ARL15: variants seen among roughly 807,000 people sequenced by gnomAD.
The protein encoded by ARL15 is ARF like GTPase 15.
A neutral mutation model predicts 25.2 loss-of-function variants in ARL15; 19 were observed. That is an observed-to-expected ratio of 0.75 (90% CI 0.53 to 1.10). The LOEUF is 1.10. Among genes scored for constraint, ARL15 ranks in the 50% least tolerant of loss-of-function variants. ARL15 has a pLI of 0.00. For missense variants in ARL15, 220 were observed against 246.0 expected, an observed-to-expected ratio of 0.89 and a Z score of 0.71; for synonymous variants, 94 against 86.8, an observed-to-expected ratio of 1.08 and a Z score of -0.46.
chr5:54,166,182 TTC>T (rs751364891), intron 2 of ARL15, among the ~76,000 whole-genome samples: 1 of 151,840 alleles, frequency 6.6e-6, no homozygotes, highest in Non-Finnish European at 1.5e-5. Context: ...TCACGTTTCT[TTC>T]TCTCTCTCTC....
Position 53,884,820 on chromosome 5 carries a change from C to A in ARL15, c.*1741G>T, listed in dbSNP as rs943622410. 6.6e-6 allele frequency: 1 copy of A among 152,386 alleles called. No individual in the cohort carries two copies. The highest frequency in any genetic ancestry group is 1.5e-5 in the Non-Finnish European group (1 of 67,990). The allele number at this position is 152,386 out of a possible 1,614,324, so 9.4% of individuals were successfully genotyped here. A position where few individuals can be genotyped will look rare whatever the true frequency, so the allele number is the denominator to read the frequency against. ...ATTTATTTTTCATAGAAGATGAGCA[C>A]AACAGGACAAAATAAAAACAGGAAT... On this transcript the variant is annotated 3_prime_UTR_variant, in exon 5 of 5. Coordinates refer to ENST00000504924, the MANE Select transcript of ARL15 (RefSeq NM_019087.3).
intron 3 of ARL15, among the ~76,000 whole-genome samples, chr5:54,147,550 T>C (rs1753947578): frequency 6.6e-6 from 1 of 152,170 alleles, no homozygotes; most frequent in South Asian, 2.1e-4. Context: ...AATATGTACA[T>C]TTACTTGTGT....
intron 4 of ARL15, among the ~76,000 whole-genome samples, chr5:54,021,894 C>T (rs1749614381): frequency 6.6e-6 from 1 of 152,062 alleles, no homozygotes; most frequent in African/African-American, 2.4e-5. Flanking sequence ...AGCAGCAGGG[C>T]AGAAAGGGAC....
At position 54,141,176 on chromosome 5, in the gene ARL15, CACAG is replaced by C. The variant is rs930620632; in HGVS notation, c.253+13400_253+13403del. 2.2e-4 allele frequency among the ~76,000 whole-genome samples: 33 copies of C among 152,156 alleles called. 1 individual carries two copies. Among genetic ancestry groups the C allele is most frequent in the African/African-American group, 7.0e-4 (29 of 41,528 alleles). ...TTTTTATTAACTGAGTGCTGCTGTACACAGACAGATCAATCTGTCTTCTCTTATT... is the reference window on the plus strand; with the variant it reads ...TTTTTATTAACTGAGTGCTGCTGTACACAGATCAATCTGTCTTCTCTTATT... On this transcript the variant is annotated intron_variant, in intron 3 of 4. Coordinates refer to ENST00000504924, the MANE Select transcript of ARL15 (RefSeq NM_019087.3).
chr5:54,025,884 T>C (rs950255844), intron 4 of ARL15, among the ~76,000 whole-genome samples: 4 of 152,206 alleles, frequency 2.6e-5, no homozygotes, highest in Non-Finnish European at 5.9e-5. Context: ...TTTCAAATCA[T>C]AGGTATTGTT....
chr5:54,209,074 T>C (rs1755958795), intron 1 of ARL15, among the ~76,000 whole-genome samples: 1 of 152,084 alleles, frequency 6.6e-6, no homozygotes, highest in Non-Finnish European at 1.5e-5. Flanking sequence ...GAAATCATAA[T>C]ATGACAGCAA....
At chr5:54,045,022 T>C (rs944416777) in intron 4 of ARL15, among the ~76,000 whole-genome samples, 3 of 152,224 alleles carry the variant, frequency 2.0e-5, no homozygotes, top group African/African-American at 7.2e-5. Context: ...ATCCCAGTTA[T>C]ACCACTACTT....
At chr5:54,137,415 AG>A (rs1192477213) in intron 3 of ARL15, among the ~76,000 whole-genome samples, 1 of 152,096 alleles carries the variant, frequency 6.6e-6, no homozygotes, top group Non-Finnish European at 1.5e-5. Flanking sequence ...TTACACTTTT[AG>A]GGTATAACCT....
intron 3 of ARL15, among the ~76,000 whole-genome samples, chr5:54,123,788 T>TA (rs1466494699): frequency 6.6e-6 from 1 of 152,218 alleles, no homozygotes. Flanking sequence ...GAATGCATCT[T>TA]ACTGTCTCAA....
chr5:53,951,348 T>C lies in ARL15; in HGVS notation c.463-64635A>G, dbSNP rs368948734. 5.3e-5 allele frequency among the ~76,000 whole-genome samples: 8 copies of C among 152,374 alleles called. No homozygotes were observed. In the South Asian group the frequency reaches 1.4e-3, roughly 28 times the overall value. ...TGAGTATTTGTTTTCTAACCCATCA[T>C]AGATCTGAGCTAAGCTTTTGTAGAA... On this transcript the variant is annotated intron_variant, in intron 4 of 4. Transcript: ENST00000504924.
At chr5:53,892,016 CT>C (rs1744729391) in intron 4 of ARL15, among the ~76,000 whole-genome samples, 1 of 152,150 alleles carries the variant, frequency 6.6e-6, no homozygotes, top group Non-Finnish European at 1.5e-5. Flanking sequence ...CCCCCATGAG[CT>C]TTTTAGTGAC....
At chr5:54,237,271 G>A (rs1478186112) in intron 1 of ARL15, among the ~76,000 whole-genome samples, 1 of 152,176 alleles carries the variant, frequency 6.6e-6, no homozygotes, top group Non-Finnish European at 1.5e-5. Context: ...TTCCCATTCT[G>A]CCATGATTGT....
intron 1 of ARL15, chr5:54,282,271 C>T (rs1758077702): frequency 8.1e-6 from 8 of 985,400 alleles, no homozygotes; most frequent in South Asian, 9.4e-5. Flanking sequence ...CATTGCTTAC[C>T]GTGTAAATCC....
chr5:53,919,436 T>C (rs1040246307), intron 4 of ARL15, among the ~76,000 whole-genome samples: 1 of 152,172 alleles, frequency 6.6e-6, no homozygotes, highest in African/African-American at 2.4e-5. Flanking sequence ...CACACTCCAG[T>C]GGAGTGCAGA....
intron 1 of ARL15, chr5:54,286,219 A>G (rs958196138): frequency 6.6e-6 from 1 of 152,206 alleles, no homozygotes; most frequent in Non-Finnish European, 1.5e-5. Flanking sequence ...AAATTAGGAG[A>G]AAGGATGATG....
chr5:54,077,704 G>A (rs535449208), intron 4 of ARL15, among the ~76,000 whole-genome samples: 42 of 152,276 alleles, frequency 2.8e-4, no homozygotes, highest in East Asian at 5.8e-4. Flanking sequence ...TAGGTAAGTC[G>A]CGTCAGTCTC....
intron 1 of ARL15, among the ~76,000 whole-genome samples, chr5:54,187,405 C>T (rs1267379105): frequency 6.6e-6 from 1 of 152,146 alleles, no homozygotes; most frequent in African/African-American, 2.4e-5. Flanking sequence ...CCAGTATCAA[C>T]TATACATTTG....
intron 4 of ARL15, among the ~76,000 whole-genome samples, chr5:54,101,888 A>G (rs1214894917): frequency 6.6e-6 from 1 of 152,228 alleles, no homozygotes; most frequent in Non-Finnish European, 1.5e-5. Context: ...TATCCAAAAT[A>G]TGCAGAAACA....
chr5:54,060,531 T>G (rs1054714989), intron 4 of ARL15, among the ~76,000 whole-genome samples: 1 of 152,196 alleles, frequency 6.6e-6, no homozygotes, highest in Admixed American at 6.5e-5. Context: ...CCACGTAAGA[T>G]GTGACTTGCT....
Sources: gnomAD v4.1 joint callset for allele counts (sites outside exome capture counted in the v4.1 genomes callset) on GRCh38, gnomAD v4.1.1 for gene constraint, MANE v1.5 for transcripts, NCBI Gene and HGNC (gene_info 2026-07-23, HGNC 2026-07-21) for gene names.